The following KIF1A variants were observed in gnomAD, a reference collection of about 807,000 sequenced individuals.
KIF1A encodes the protein kinesin-like protein KIF1A.
KIF1A carries 46 observed loss-of-function variants against 227.3 expected under a neutral mutation model. The observed-to-expected ratio is 0.20, with a 90% CI of 0.16 to 0.26. KIF1A has a LOEUF of 0.26. Among genes scored for constraint, KIF1A ranks in the 10% least tolerant of loss-of-function variants. The pLI, the probability that KIF1A is intolerant of heterozygous loss-of-function variation, is 1.00. For missense variants in KIF1A, 1,683 were observed against 2,485.9 expected (o/e 0.68, Z 6.87); for synonymous variants, 1,022 against 1,012.8 (o/e 1.01, Z -0.17).
intron 14 of KIF1A, 115 bp from the exon 15 acceptor site, chr2:240,771,219 G>A (rs1475040259): frequency 6.3e-6 from 8 of 1,262,454 alleles, no homozygotes; most frequent in Non-Finnish European, 9.1e-6. Flanking sequence ...CAGACAGAGG[G>A]AGGGAGAGAA....
At position 240,719,210 on chromosome 2, in the gene KIF1A, G is replaced by T; in HGVS notation, c.5022-12C>A. The T allele has an allele frequency of 6.3e-7, 1 of 1,595,188 alleles. No individual in the cohort carries two copies. Among genetic ancestry groups the T allele is most frequent in the South Asian group, 1.1e-5 (1 of 89,598 alleles). On this transcript the variant is annotated splice_polypyrimidine_tract_variant and intron_variant, in intron 46 of 48. Transcript: ENST00000498729. The stretch of plus-strand genomic sequence containing the variant: ...TGGAAACGATCGGGCTGAAGGCAGA[G>T]AGAGCTGCTCGCTGGGGCCCTCGGT...
chr2:240,809,549 A>G (rs1373195080), intron 1 of KIF1A, among the ~76,000 whole-genome samples: 1 of 152,252 alleles, frequency 6.6e-6, no homozygotes. Flanking sequence ...AGAATACACC[A>G]TTAGATCCCT....
intron 2 of KIF1A, 35 bp downstream of exon 2, chr2:240,797,612 T>C (rs370567788): frequency 1.4e-5 from 21 of 1,497,606 alleles, no homozygotes; most frequent in African/African-American, 5.5e-5. Context: ...CAGCAACCCA[T>C]GGCCGACCCC....
chr2:240,818,500 T>C (rs2058486121), intron 1 of KIF1A, among the ~76,000 whole-genome samples: 1 of 152,148 alleles, frequency 6.6e-6, no homozygotes, highest in East Asian at 1.9e-4. Context: ...CCCTGGCCCA[T>C]CCCACACCCT....
At chr2:240,771,546 C>T (rs2051993856) in intron 14 of KIF1A, among the ~76,000 whole-genome samples, 1 of 152,178 alleles carries the variant, frequency 6.6e-6, no homozygotes, top group African/African-American at 2.4e-5. Flanking sequence ...GCCCCCACAC[C>T]TGAGGGCTGG....
At chr2:240,765,338 T>C (rs1173681080) in intron 20 of KIF1A, among the ~76,000 whole-genome samples, 2 of 152,170 alleles carry the variant, frequency 1.3e-5, no homozygotes, top group East Asian at 3.9e-4. Flanking sequence ...ACACCTCAGC[T>C]CTGGGAAGCC....
chr2:240,819,388 C>T lies in KIF1A; in HGVS notation c.-61+734G>A, dbSNP rs545034683. ...TGGCTGCTGAGACGCAGGCAGTGCT[C>T]GCCGGCGGCCCCTCCCAGGTGCTGG... On this transcript the variant is annotated intron_variant, in intron 1 of 48. Transcript: ENST00000498729. 1.3e-3 allele frequency among the ~76,000 whole-genome samples: 201 copies of T among 152,170 alleles called. 1 individual carries two copies. In the East Asian group the frequency reaches 0.028, roughly 21 times the overall value.
In KIF1A at chr2:240,788,963, T is replaced by C. The variant is rs1190599369; in HGVS notation, c.183+273A>G. Among the ~76,000 whole-genome samples the C allele has an allele frequency of 6.6e-6, 1 of 152,020 alleles. No homozygotes were observed. ...GGGTCAGCTTTGGGCATTCTGACTTTGGGATGTCTGGGGGAAAAGTCACCA... is the reference window on the plus strand; with the variant it reads ...GGGTCAGCTTTGGGCATTCTGACTTCGGGATGTCTGGGGGAAAAGTCACCA... On this transcript the variant is annotated intron_variant, in intron 3 of 48. Transcript: ENST00000498729. The surrounding 1 kb of genome is among the most constrained non-coding windows in gnomAD (Gnocchi z 6.6).
chr2:240,728,413 C>T (rs1452993211), intron 38 of KIF1A: 7 of 1,302,558 alleles, frequency 5.4e-6, no homozygotes, highest in Middle Eastern at 2.1e-4. Context: ...CAATGAAACG[C>T]TAAAGGTGGA....
intron 1 of KIF1A, among the ~76,000 whole-genome samples, chr2:240,814,156 C>T (rs533816328): frequency 1.3e-5 from 2 of 152,168 alleles, no homozygotes; most frequent in East Asian, 1.9e-4. Flanking sequence ...GAGGAAATTA[C>T]GAACAAATAG....
At chr2:240,729,559 C>T (rs2046382611) in intron 38 of KIF1A, among the ~76,000 whole-genome samples, 1 of 152,226 alleles carries the variant, frequency 6.6e-6, no homozygotes, top group East Asian at 1.9e-4. Flanking sequence ...CTCCAAGGCC[C>T]AGCCAGGGGC....
At chr2:240,819,862 C>T (rs1409269743) in intron 1 of KIF1A, among the ~76,000 whole-genome samples, 1 of 152,202 alleles carries the variant, frequency 6.6e-6, no homozygotes, top group African/African-American at 2.4e-5. Context: ...GCCGAGATCG[C>T]GGCAAAGGGA....
chr2:240,749,787 G>A (rs1051280838), intron 28 of KIF1A, among the ~76,000 whole-genome samples: 1 of 152,248 alleles, frequency 6.6e-6, no homozygotes, highest in African/African-American at 2.4e-5. Context: ...GGAGCAGGCT[G>A]AGCAGCACCA....
chr2:240,791,291 G>C (rs575280316), intron 2 of KIF1A, among the ~76,000 whole-genome samples: 2 of 152,218 alleles, frequency 1.3e-5, no homozygotes, highest in Admixed American at 6.5e-5. Flanking sequence ...CAATTGCAGC[G>C]CCTTCCCTAG....
intron 27 of KIF1A, among the ~76,000 whole-genome samples, chr2:240,751,213 G>A (rs1344981382): frequency 2.0e-5 from 3 of 152,150 alleles, no homozygotes; most frequent in Non-Finnish European, 4.4e-5. Context: ...ACCTACGGTC[G>A]CCAGATAGCT....
At chr2:240,734,564 C>T (rs527720401) in intron 38 of KIF1A, among the ~76,000 whole-genome samples, 12 of 152,078 alleles carry the variant, frequency 7.9e-5, no homozygotes, top group Admixed American at 2.6e-4. Flanking sequence ...AGAAAGAAGA[C>T]GGGAGGAACA....
chr2:240,784,816 C>CGG (rs71404665), intron 7 of KIF1A, among the ~76,000 whole-genome samples, 173 bp downstream of exon 7: 1 of 137,956 alleles, frequency 7.2e-6, no homozygotes, highest in African/African-American at 2.6e-5. Context: ...GCCTCTGGGG[C>CGG]GGGGGGGGGG....
At chr2:240,819,706 G>A (rs984207452) in intron 1 of KIF1A, among the ~76,000 whole-genome samples, 1 of 150,984 alleles carries the variant, frequency 6.6e-6, no homozygotes, top group African/African-American at 2.5e-5. Flanking sequence ...CCGCCGTCTG[G>A]GCGCAGCCCC....
Position 240,720,897 on chromosome 2 carries a change from G to C in KIF1A, c.4868+17C>G. The C allele has an allele frequency of 6.5e-7, 1 of 1,545,956 alleles. No individual in the cohort carries two copies. Among genetic ancestry groups the C allele is most frequent in the Non-Finnish European group, 8.8e-7 (1 of 1,139,662 alleles). On this transcript the variant is annotated intron_variant, in intron 45 of 48. Coordinates refer to ENST00000498729, the MANE Select transcript of KIF1A (RefSeq NM_001244008.2). Reference sequence around the variant, plus strand: ...CGTGGTGCCAGAAGCCACTCCGGGAGCCTGGAGCTCACTCACCTCAGGTCA... The same window carrying C: ...CGTGGTGCCAGAAGCCACTCCGGGACCCTGGAGCTCACTCACCTCAGGTCA...
Sources: gnomAD v4.1 joint callset for allele counts (sites outside exome capture counted in the v4.1 genomes callset) on GRCh38, gnomAD v4.1.1 for gene constraint, Gnocchi (gnomAD v3.1) non-coding constraint, MANE v1.5 for transcripts, NCBI Gene and HGNC (gene_info 2026-07-23, HGNC 2026-07-21) for gene names.